The following SIL1 variants were observed in gnomAD, a reference collection of about 807,000 sequenced individuals.
SIL1 encodes the protein SIL1 nucleotide exchange factor.
A neutral mutation model predicts 49.1 loss-of-function variants in SIL1; 40 were observed. The ratio of observed to expected loss-of-function variants is 0.81; its 90% CI spans 0.63 to 1.06. The LOEUF is 1.06. Among genes scored for constraint, SIL1 ranks in the 50% least tolerant of loss-of-function variants. SIL1 has a pLI of 0.00. For synonymous variants in SIL1, 253 were observed against 250.8 expected (o/e 1.01, Z -0.08); for missense variants, 500 against 572.6 (o/e 0.87, Z 1.29).
intron 3 of SIL1, among the ~76,000 whole-genome samples, chr5:139,089,346 C>G (rs1382242582): frequency 6.6e-6 from 1 of 152,128 alleles, no homozygotes; most frequent in Non-Finnish European, 1.5e-5. Context: ...TCAGTGGAGG[C>G]CTGGCCTTCT....
At chr5:139,139,701 A>G (rs1163735852) in intron 1 of SIL1, among the ~76,000 whole-genome samples, 1 of 152,242 alleles carries the variant, frequency 6.6e-6, no homozygotes, top group Admixed American at 6.5e-5. Flanking sequence ...TATTAAAAAG[A>G]AAAGGACAGG....
intron 1 of SIL1, among the ~76,000 whole-genome samples, chr5:139,181,019 G>A (rs916449658): frequency 2.6e-5 from 4 of 152,098 alleles, no homozygotes; most frequent in Non-Finnish European, 5.9e-5. Context: ...ACTCATTTCA[G>A]GATCTGCCTC....
chr5:139,007,069 A>T (rs2150416041), intron 7 of SIL1, among the ~76,000 whole-genome samples: 1 of 124,126 alleles, frequency 8.1e-6, no homozygotes, highest in South Asian at 2.6e-4. Context: ...CATTTTCATG[A>T]TATTGATTCT....
intron 7 of SIL1, among the ~76,000 whole-genome samples, chr5:138,999,939 A>G (rs1435246842): frequency 6.6e-6 from 1 of 152,162 alleles, no homozygotes; most frequent in Non-Finnish European, 1.5e-5. Context: ...TTCCTTTCCA[A>G]TTTGGATGGC....
At chr5:139,065,556 T>G (rs1161033622) in intron 3 of SIL1, among the ~76,000 whole-genome samples, 17 of 152,148 alleles carry the variant, frequency 1.1e-4, no homozygotes. Context: ...TGCTGACAGG[T>G]GCCCACCCAA....
At chr5:138,966,044 G>C (rs775940869) in intron 7 of SIL1, among the ~76,000 whole-genome samples, 1 of 151,982 alleles carries the variant, frequency 6.6e-6, no homozygotes, top group Non-Finnish European at 1.5e-5. Flanking sequence ...TGAGGACCCA[G>C]CTTCCTCATC....
intron 3 of SIL1, among the ~76,000 whole-genome samples, chr5:139,081,729 A>G (rs1275073737): frequency 6.6e-6 from 1 of 151,478 alleles, no homozygotes; most frequent in African/African-American, 2.4e-5. Context: ...AAATACAAAA[A>G]TTGGCCAGGC....
At chr5:139,195,908 T>C (rs909751915) in intron 1 of SIL1, among the ~76,000 whole-genome samples, 2 of 152,212 alleles carry the variant, frequency 1.3e-5, no homozygotes, top group African/African-American at 4.8e-5. Flanking sequence ...ATATAGGCTG[T>C]GTGCAGTGGC....
chr5:138,999,452 G>T (rs1299324937), intron 7 of SIL1, among the ~76,000 whole-genome samples: 1 of 152,046 alleles, frequency 6.6e-6, no homozygotes, highest in African/African-American at 2.4e-5. Context: ...AATCCTCAAG[G>T]AGTTCAAGAC....
chr5:139,057,618 G>T (rs2150461616), intron 3 of SIL1, among the ~76,000 whole-genome samples: 1 of 152,252 alleles, frequency 6.6e-6, no homozygotes, highest in Admixed American at 6.5e-5. Flanking sequence ...CCCCACAGAG[G>T]CTGGGGAAGA....
Position 139,024,942 on chromosome 5 carries a change from G to A in SIL1, c.645+1859C>T, listed in dbSNP as rs147499459. On this transcript the variant is annotated intron_variant, in intron 6 of 9. Transcript: ENST00000394817. Reference sequence around the variant, plus strand: ...ACACACTAGGCATGTTCCCACCACCGGGCTTCCACACTTGCTCTTCCTCCA... The same window carrying A: ...ACACACTAGGCATGTTCCCACCACCAGGCTTCCACACTTGCTCTTCCTCCA... 5.9e-5 allele frequency among the ~76,000 whole-genome samples: 9 copies of A among 152,100 alleles called. No individual in the cohort carries two copies. The East Asian group carries it at 1.2e-3, about 20-fold the overall frequency.
chr5:139,086,600 C>T (rs1770227034), intron 3 of SIL1, among the ~76,000 whole-genome samples: 1 of 151,568 alleles, frequency 6.6e-6, no homozygotes, highest in Non-Finnish European at 1.5e-5. Context: ...CAAGTGATCC[C>T]CCTGCCTCGG....
chr5:139,129,936 A>G (rs1352575877), intron 1 of SIL1, among the ~76,000 whole-genome samples: 1 of 152,224 alleles, frequency 6.6e-6, no homozygotes, highest in Non-Finnish European at 1.5e-5. Flanking sequence ...AATAGTGAAA[A>G]GACAGAATGG....
chr5:139,129,907 G>A (rs1177672007), intron 1 of SIL1, among the ~76,000 whole-genome samples: 1 of 152,090 alleles, frequency 6.6e-6, no homozygotes, highest in Admixed American at 6.5e-5. Context: ...AAGCTTTTGG[G>A]TCTCAAAGGA....
chr5:139,059,083 T>C (rs1355531243), intron 3 of SIL1, among the ~76,000 whole-genome samples: 7 of 152,110 alleles, frequency 4.6e-5, no homozygotes, highest in African/African-American at 1.7e-4. Flanking sequence ...CACACACACA[T>C]AGACATACAT....
At chr5:139,128,426 G>A (rs2151796476) in intron 1 of SIL1, among the ~76,000 whole-genome samples, 1 of 152,198 alleles carries the variant, frequency 6.6e-6, no homozygotes, top group African/African-American at 2.4e-5. Context: ...GATCACTTGA[G>A]GCCAGAAGTT....
chr5:139,056,638 G>A (rs1769442213), intron 3 of SIL1, among the ~76,000 whole-genome samples: 4 of 143,912 alleles, frequency 2.8e-5, no homozygotes, highest in Middle Eastern at 6.9e-3. Flanking sequence ...CCATCAAGGA[G>A]GGAGGTGGGG....
Position 138,947,126 on chromosome 5 carries a change from C to T in SIL1, c.1377G>A (p.Glu459=), listed in dbSNP as rs1234618448. ...GTCCTGGTGTGGGGCCTCATCTCAG[C>T]TCCTTCAGCAAGCTGTTGACAGAGC... The part of the protein sequence containing the change: ...LLGSVNSLLK[E]LR The change falls in exon 10 of 10, where the codon GAG becomes GAA. Residue 459 remains glutamate (E), a synonymous_variant. Transcript: ENST00000394817. This position sits in a 1 kb window ranked among gnomAD's most constrained non-coding sequence, Gnocchi z 4.1. The T allele has an allele frequency of 6.2e-7, 1 of 1,612,972 alleles. No homozygotes were observed. The highest frequency in any genetic ancestry group is 1.3e-5 in the African/African-American group (1 of 74,906).
chr5:139,035,601 C>A, intron 5 of SIL1: 1 of 365,664 alleles, frequency 2.7e-6, no homozygotes. Context: ...CCAGCACAGA[C>A]ATGGCGCCCA....
Sources: allele counts gnomAD v4.1 joint callset (sites outside exome capture counted in the v4.1 genomes callset), GRCh38; gene constraint gnomAD v4.1.1; non-coding constraint Gnocchi (gnomAD v3.1); transcripts MANE v1.5; gene names NCBI Gene and HGNC (gene_info 2026-07-23, HGNC 2026-07-21).